Variants in TSPAN2 observed in about 807,000 individuals in gnomAD.
The protein encoded by TSPAN2 is tetraspanin 2, also known as tetraspanin-2.
TSPAN2 carries 24 observed loss-of-function variants against 33.3 expected under a neutral mutation model. The ratio of observed to expected loss-of-function variants is 0.72; its 90% CI spans 0.52 to 1.01. The LOEUF is 1.01. Ranked by LOEUF, TSPAN2 falls within the 50% of genes least tolerant of loss-of-function variation. TSPAN2 has a pLI of 0.00. For synonymous variants in TSPAN2, 114 were observed against 104.5 expected (o/e 1.09, Z -0.56); for missense variants, 278 against 281.3 (o/e 0.99, Z 0.08).
chr1:115,085,499 G>C (rs1057507415), intron 1 of TSPAN2, among the ~76,000 whole-genome samples: 1 of 152,166 alleles, frequency 6.6e-6, no homozygotes, highest in Non-Finnish European at 1.5e-5. Context: ...GCGAGGTTCT[G>C]ATTGGAAGGA....
intron 1 of TSPAN2, among the ~76,000 whole-genome samples, chr1:115,085,533 G>C (rs781580100): frequency 6.6e-6 from 1 of 152,146 alleles, no homozygotes; most frequent in East Asian, 1.9e-4. Flanking sequence ...AAGGAACCCC[G>C]TAACTCCGAG....
intron 1 of TSPAN2, among the ~76,000 whole-genome samples, chr1:115,083,126 T>C (rs1648691963): frequency 6.6e-6 from 1 of 152,240 alleles, no homozygotes; most frequent in African/African-American, 2.4e-5. Context: ...TCCATCTTGC[T>C]GGCAGCATTC....
chr1:115,060,245 A>G (rs1382301347), intron 4 of TSPAN2, among the ~76,000 whole-genome samples: 1 of 152,164 alleles, frequency 6.6e-6, no homozygotes, highest in African/African-American at 2.4e-5. Context: ...CATAAGTCTA[A>G]TGGAAGAGAT....
At chr1:115,055,672 T>G (rs976838225) in intron 6 of TSPAN2, among the ~76,000 whole-genome samples, 1 of 152,200 alleles carries the variant, frequency 6.6e-6, no homozygotes, top group East Asian at 1.9e-4. Context: ...CACAGGCACA[T>G]GCCACCACGC....
chr1:115,064,854 G>A (rs1391632444), intron 2 of TSPAN2, among the ~76,000 whole-genome samples: 4 of 152,176 alleles, frequency 2.6e-5, no homozygotes, highest in Non-Finnish European at 5.9e-5. Context: ...CTCGTGAGGA[G>A]GCAGGAGGCT....
intron 1 of TSPAN2, among the ~76,000 whole-genome samples, chr1:115,075,677 G>A (rs1648376324): frequency 6.6e-6 from 1 of 152,014 alleles, no homozygotes; most frequent in South Asian, 2.1e-4. Context: ...TGGAGGAAAT[G>A]GTCTCCCCAA....
chr1:115,062,081 A>T, intron 3 of TSPAN2, 54 bp downstream of exon 3: 1 of 1,434,212 alleles, frequency 7.0e-7, no homozygotes, highest in South Asian at 1.2e-5. Flanking sequence ...CTCCCTTCAG[A>T]TGCAGGCCGC....
At chr1:115,068,335 GA>G (rs1648030630) in intron 2 of TSPAN2, among the ~76,000 whole-genome samples, 1 of 152,190 alleles carries the variant, frequency 6.6e-6, no homozygotes, top group Admixed American at 6.5e-5. Context: ...TGCCAGAAAG[GA>G]AAGCTTCCCC....
chr1:115,072,224 A>G (rs1184595404), intron 2 of TSPAN2, among the ~76,000 whole-genome samples: 2 of 152,004 alleles, frequency 1.3e-5, no homozygotes, highest in Non-Finnish European at 2.9e-5. Flanking sequence ...ACCCCACCCC[A>G]CACTCCTCAC....
chr1:115,081,559 G>A (rs1158333911), intron 1 of TSPAN2, among the ~76,000 whole-genome samples: 1 of 152,148 alleles, frequency 6.6e-6, no homozygotes, highest in Non-Finnish European at 1.5e-5. Context: ...TAAAAATGGG[G>A]GTTCTACGCA....
At chr1:115,063,179 A>G (rs1211907294) in intron 2 of TSPAN2, among the ~76,000 whole-genome samples, 1 of 152,224 alleles carries the variant, frequency 6.6e-6, no homozygotes, top group Non-Finnish European at 1.5e-5. Flanking sequence ...GTCTTTCACC[A>G]AAGGTCTAAT....
In TSPAN2 at chr1:115,064,875, G is replaced by A. The variant is rs1171502233; in HGVS notation, c.173-2643C>T. ...AGGAGGCAGGAGGCTCACTGGACAG[G>A]GGCACAGAGGTTTGAGGAGGCCAGA... On this transcript the variant is annotated intron_variant, in intron 2 of 7. Coordinates refer to ENST00000369516, the MANE Select transcript of TSPAN2 (RefSeq NM_005725.6). 4.6e-5 allele frequency among the ~76,000 whole-genome samples: 7 copies of A among 152,172 alleles called. No individual in the cohort carries two copies. The East Asian group carries it at 1.2e-3, about 25-fold the overall frequency.
intron 2 of TSPAN2, among the ~76,000 whole-genome samples, chr1:115,065,300 C>G (rs1186935682): frequency 4.6e-5 from 7 of 152,158 alleles, no homozygotes; most frequent in Admixed American, 1.3e-4. Flanking sequence ...TTCTTATGGT[C>G]TGACCCTCAA....
chr1:115,074,216 G>A (rs889500439), intron 1 of TSPAN2, among the ~76,000 whole-genome samples: 3 of 152,140 alleles, frequency 2.0e-5, no homozygotes, highest in South Asian at 2.1e-4. Flanking sequence ...AGGAAAAATC[G>A]CACCAGAGAC....
intron 1 of TSPAN2, among the ~76,000 whole-genome samples, chr1:115,080,249 A>C (rs1648572999): frequency 6.6e-6 from 1 of 152,188 alleles, no homozygotes; most frequent in Non-Finnish European, 1.5e-5. Flanking sequence ...AGGGAACATC[A>C]AGAATTAGGA....
chr1:115,069,309 G>T (rs941301911), intron 2 of TSPAN2, among the ~76,000 whole-genome samples: 1 of 152,158 alleles, frequency 6.6e-6, no homozygotes, highest in Non-Finnish European at 1.5e-5. Flanking sequence ...GGTTTGAGAG[G>T]GCTGACTCAC....
intron 1 of TSPAN2, among the ~76,000 whole-genome samples, chr1:115,084,176 C>G (rs766635878): frequency 2.8e-4 from 42 of 152,324 alleles, no homozygotes; most frequent in Non-Finnish European, 4.9e-4. Context: ...TTAAAAACAA[C>G]TATTACTGAT....
intron 2 of TSPAN2, among the ~76,000 whole-genome samples, chr1:115,068,182 T>C (rs1403379152): frequency 6.6e-6 from 1 of 152,186 alleles, no homozygotes; most frequent in African/African-American, 2.4e-5. Context: ...AGTCTGACTA[T>C]CCTCTCGCCC....
At chr1:115,078,141 G>A (rs568497340) in intron 1 of TSPAN2, among the ~76,000 whole-genome samples, 40 of 152,192 alleles carry the variant, frequency 2.6e-4, no homozygotes, top group Admixed American at 2.0e-3. Flanking sequence ...TCCCTCCTCC[G>A]CCTCCCCCTA....
Sources: allele counts gnomAD v4.1 joint callset (sites outside exome capture counted in the v4.1 genomes callset), GRCh38; gene constraint gnomAD v4.1.1; transcripts MANE v1.5; gene names NCBI Gene and HGNC (gene_info 2026-07-23, HGNC 2026-07-21).